Variants in DDX17 observed in about 807,000 individuals in gnomAD.
The protein encoded by DDX17 is probable ATP-dependent RNA helicase DDX17.
In DDX17, 10 loss-of-function variants were observed where a neutral mutation model predicts 80.8. The observed-to-expected ratio is 0.12, with a 90% CI of 0.08 to 0.21. The LOEUF is 0.21. DDX17 is among the 10% of genes least tolerant of loss of function. DDX17 has a pLI of 1.00. For missense variants in DDX17, 586 were observed against 957.4 expected (o/e 0.61, Z 5.12); for synonymous variants, 339 against 336.2 (o/e 1.01, Z -0.09).
At chr22:38,500,989 AT>A in intron 2 of DDX17, 140 bp downstream of exon 2, 1 of 1,198,202 alleles carries the variant, frequency 8.3e-7, no homozygotes, top group Non-Finnish European at 1.1e-6. Flanking sequence ...AAAAAAAAAA[AT>A]TAACCAAAAA....
At position 38,499,505 on chromosome 22, in the gene DDX17, GA is replaced by G. The variant is rs772961713; in HGVS notation, c.439-7del. On this transcript the variant is annotated splice_region_variant and splice_polypyrimidine_tract_variant and intron_variant, in intron 2 of 12. Coordinates refer to ENST00000403230, the MANE Select transcript of DDX17 (RefSeq NM_006386.5). ...CGTAGCTCATCAACCTCATACTATT[GA>G]AAAAAAATGAAAGAAGTTAGTAAAC... 3.8e-6 allele frequency: 6 copies of G among 1,572,254 alleles called. No individual in the cohort carries two copies. The highest frequency in any genetic ancestry group is 4.3e-6 in the Non-Finnish European group (5 of 1,149,752).
rs1313865305 is a variant in DDX17, at chr22:38,497,702, T to C, written c.738+383A>G. 2.0e-5 allele frequency among the ~76,000 whole-genome samples: 3 copies of C among 147,296 alleles called. No individual in the cohort carries two copies. In the East Asian group the frequency reaches 6.0e-4, roughly 30 times the overall value. ...AGCAATTTGGGAGGGCAAGGTGGGC[T>C]GATCACCTCAGGTCAGGAGTTTGAG... On this transcript the variant is annotated intron_variant, in intron 5 of 12. Coordinates refer to ENST00000403230, the MANE Select transcript of DDX17 (RefSeq NM_006386.5).
chr22:38,491,989 T>C (rs754644978), intron 11 of DDX17, 67 bp downstream of exon 11: 32 of 1,175,932 alleles, frequency 2.7e-5, no homozygotes, highest in Non-Finnish European at 3.6e-5. Flanking sequence ...AAGTCTGAAT[T>C]TGAAATGACG....
chr22:38,486,485 C>T lies in DDX17; in HGVS notation c.1685-45G>A, dbSNP rs751433891. ...AGATTTTTAATGGCAGATATAGGAC[C>T]TAAACATAACAATGTAAAAATTCTA... is the stretch of plus-strand genomic sequence containing the variant. On this transcript the variant is annotated intron_variant, in intron 12 of 12. Transcript: ENST00000403230. 2.7e-6 allele frequency: 4 copies of T among 1,498,654 alleles called. No individual in the cohort carries two copies. In the South Asian group the frequency reaches 5.4e-5, roughly 20 times the overall value. The allele number at this position is 1,498,654 out of a possible 1,614,324, so 92.8% of individuals were successfully genotyped here.
chr22:38,490,355 G>C, intron 11 of DDX17: 1 of 1,289,426 alleles, frequency 7.8e-7, no homozygotes, highest in Non-Finnish European at 1.0e-6. Flanking sequence ...GTCTAGCCAA[G>C]AGGCTCATCT....
chr22:38,504,037 T>C (rs1028277983), intron 1 of DDX17, among the ~76,000 whole-genome samples: 1 of 152,200 alleles, frequency 6.6e-6, no homozygotes, highest in Non-Finnish European at 1.5e-5. Flanking sequence ...ATATATATGG[T>C]GAAAGGAAAT....
intron 1 of DDX17, chr22:38,505,410 G>T (rs557774376): frequency 6.5e-6 from 1 of 152,744 alleles, no homozygotes; most frequent in African/African-American, 2.4e-5. Flanking sequence ...TAACTGAAGA[G>T]AATTAAAATC....
rs2089642752 is a variant in DDX17, at chr22:38,485,214, T to A, written c.*721A>T. On this transcript the variant is annotated 3_prime_UTR_variant, in exon 13 of 13. Coordinates refer to ENST00000403230, the MANE Select transcript of DDX17 (RefSeq NM_006386.5). ...GTTTAACCACTACAATAAACACTTG[T>A]GGTTTTTAATTTAAAGGATACACAA... The A allele has an allele frequency of 6.6e-6, 1 of 152,298 alleles. No individual in the cohort carries two copies. The highest frequency in any genetic ancestry group is 2.1e-4 in the South Asian group (1 of 4,812). The allele number at this position is 152,298 out of a possible 1,614,324, so 9.4% of individuals were successfully genotyped here.
chr22:38,505,641 A>C, intron 1 of DDX17: 1 of 304,520 alleles, frequency 3.3e-6, no homozygotes, highest in Non-Finnish European at 6.0e-6. Context: ...GCGAGGCGCC[A>C]AAGCCCGGGC....
At chr22:38,498,721 CA>C (rs1427120615) in intron 3 of DDX17, 148 bp from the exon 4 acceptor site, 1 of 823,900 alleles carries the variant, frequency 1.2e-6, no homozygotes, top group Non-Finnish European at 1.9e-6. Context: ...GATCTCCGAC[CA>C]ACTCACTGTT....
chr22:38,496,429 C>T (rs562399040), intron 5 of DDX17, among the ~76,000 whole-genome samples: 35 of 152,316 alleles, frequency 2.3e-4, no homozygotes, highest in African/African-American at 8.2e-4. Context: ...CTCACTGTAA[C>T]CTCTGCTTCC....
rs138448 is a variant in DDX17 at position 38,497,297 on chromosome 22, CAAAAAAAAA to C, written c.738+779_738+787del. ...GGCAACCAAGAGCGAAACTCCATCT[CAAAAAAAAA>C]AAAAAAAAAAAAAAAAGTACACATT... On this transcript the variant is annotated intron_variant, in intron 5 of 12. Coordinates refer to ENST00000403230, the MANE Select transcript of DDX17 (RefSeq NM_006386.5). Among the ~76,000 whole-genome samples, 7 of 36,182 alleles carry C rather than the reference CAAAAAAAAA, an allele frequency of 1.9e-4. No homozygotes were observed. In the Admixed American group the frequency reaches 3.1e-3, roughly 16 times the overall value. 23.7% of individuals were successfully genotyped at this position (36,182 alleles called of 152,430 possible). A position where few individuals can be genotyped will look rare whatever the true frequency, so the allele number is the denominator to read the frequency against.
chr22:38,489,953 T>G lies in DDX17; in HGVS notation c.1448-1838A>C, dbSNP rs557873062. 6 of 1,005,584 alleles carry G rather than the reference T, an allele frequency of 6.0e-6. No homozygotes were observed. The South Asian group carries it at 1.6e-4, about 28-fold the overall frequency. 62.3% of individuals were successfully genotyped at this position (1,005,584 alleles called of 1,614,324 possible). On this transcript the variant is annotated intron_variant, in intron 11 of 12. Coordinates refer to ENST00000403230, the MANE Select transcript of DDX17 (RefSeq NM_006386.5). This position sits in a 1 kb window ranked among gnomAD's most constrained non-coding sequence, Gnocchi z 4.6. The stretch of plus-strand genomic sequence containing the variant: ...AGTAGAACAAGTTCAATTACTACAC[T>G]GGATGCGTTAAGTGTGCTTTCCTAG...
intron 2 of DDX17, among the ~76,000 whole-genome samples, chr22:38,500,118 G>C (rs1849225214): frequency 6.6e-6 from 1 of 150,960 alleles, no homozygotes; most frequent in East Asian, 2.0e-4. Flanking sequence ...AGAGGTTGCA[G>C]TGAGCCAAGA....
chr22:38,498,674 G>A (rs2089794384), intron 3 of DDX17, 101 bp from the exon 4 acceptor site: 2 of 1,277,218 alleles, frequency 1.6e-6, no homozygotes, highest in Admixed American at 2.0e-5. Flanking sequence ...GATTTACCCA[G>A]CTTCATCTCT....
At chr22:38,492,215 C>A in intron 10 of DDX17, 100 bp from the exon 11 acceptor site, 1 of 971,200 alleles carries the variant, frequency 1.0e-6, no homozygotes, top group South Asian at 1.7e-5. Context: ...GCCAGAAAAT[C>A]CCAAGCTCTT....
Position 38,489,816 on chromosome 22 carries a change from G to C in DDX17, c.1448-1701C>G. 3.0e-6 allele frequency: 3 copies of C among 985,568 alleles called. No homozygotes were observed. Among genetic ancestry groups the C allele is most frequent in the Non-Finnish European group, 3.6e-6 (3 of 830,098 alleles). The allele number at this position is 985,568 out of a possible 1,614,324, so 61.1% of individuals were successfully genotyped here. ...GTCGTTGACGCAACAAAGGAAAAAA[G>C]AATTTACAGGGCCAGGGTGGATGTA... On this transcript the variant is annotated intron_variant, in intron 11 of 12. Transcript: ENST00000403230. This position sits in a 1 kb window ranked among gnomAD's most constrained non-coding sequence, Gnocchi z 4.6.
Position 38,501,285 on chromosome 22 carries a change from G to T in DDX17, c.288-5C>A. On this transcript the variant is annotated splice_polypyrimidine_tract_variant and splice_region_variant and intron_variant, in intron 1 of 12. Transcript: ENST00000403230. ...CCACCACCTCTTGCTCCAAATCTAG[G>T]AACAGAATTTTTAGTTAGTTCATCA... The T allele has an allele frequency of 1.2e-6, 2 of 1,600,198 alleles. No individual in the cohort carries two copies. Among genetic ancestry groups the T allele is most frequent in the South Asian group, 1.1e-5 (1 of 89,268 alleles).
At chr22:38,492,144 A>T in intron 10 of DDX17, 29 bp from the exon 11 acceptor site, 1 of 1,581,508 alleles carries the variant, frequency 6.3e-7, no homozygotes, top group African/African-American at 1.4e-5. Flanking sequence ...ATCATCATCA[A>T]ATAAGCATTC....
Sources: gnomAD v4.1 joint callset for allele counts (sites outside exome capture counted in the v4.1 genomes callset) on GRCh38, gnomAD v4.1.1 for gene constraint, Gnocchi (gnomAD v3.1) non-coding constraint, MANE v1.5 for transcripts, NCBI Gene and HGNC (gene_info 2026-07-23, HGNC 2026-07-21) for gene names.